The following MYRIP variants were observed in gnomAD, a reference collection of about 807,000 sequenced individuals.
MYRIP encodes myosin VIIA and Rab interacting protein, also known as rab effector MyRIP.
Under a neutral mutation model 98.0 loss-of-function variants are expected in MYRIP, and 49 were observed. That is an observed-to-expected ratio of 0.50 (90% CI 0.40 to 0.63). The LOEUF (loss-of-function observed/expected upper bound fraction) is 0.63. Ranked by LOEUF, MYRIP falls within the 30% of genes least tolerant of loss-of-function variation. The pLI, the probability that MYRIP is intolerant of heterozygous loss-of-function variation, is 0.00. For synonymous variants in MYRIP, 404 were observed against 409.5 expected, an observed-to-expected ratio of 0.99 and a Z score of 0.16; for missense variants, 1,004 against 1,058.2, an observed-to-expected ratio of 0.95 and a Z score of 0.71.
At chr3:40,126,733 TA>T (rs1236352621) in intron 3 of MYRIP, among the ~76,000 whole-genome samples, 1 of 152,224 alleles carries the variant, frequency 6.6e-6, no homozygotes, top group Non-Finnish European at 1.5e-5. Flanking sequence ...CATTGTACCT[TA>T]AGTTTATTTG....
At chr3:40,124,672 G>A (rs1949484418) in intron 3 of MYRIP, among the ~76,000 whole-genome samples, 1 of 152,220 alleles carries the variant, frequency 6.6e-6, no homozygotes, top group Admixed American at 6.5e-5. Context: ...GTGTATGCCT[G>A]GCAGGGATAT....
chr3:40,074,505 A>G (rs1227845248), intron 3 of MYRIP, among the ~76,000 whole-genome samples: 1 of 152,218 alleles, frequency 6.6e-6, no homozygotes. Flanking sequence ...GAAATTTTAT[A>G]GTATTAAATT....
intron 2 of MYRIP, among the ~76,000 whole-genome samples, chr3:40,031,156 G>A (rs1947252079): frequency 1.3e-5 from 2 of 152,018 alleles, no homozygotes; most frequent in South Asian, 4.1e-4. Context: ...AGCTGATTTG[G>A]TGTCTGTCCG....
intron 11 of MYRIP, among the ~76,000 whole-genome samples, chr3:40,218,680 C>G (rs1207187486): frequency 1.4e-5 from 2 of 140,856 alleles, no homozygotes; most frequent in African/African-American, 5.5e-5. Flanking sequence ...ACATAATGCC[C>G]TGGAATAACT....
chr3:40,073,376 A>G (rs1463315588), intron 3 of MYRIP, among the ~76,000 whole-genome samples: 1 of 152,020 alleles, frequency 6.6e-6, no homozygotes. Context: ...GGTTTTTATT[A>G]TGTCGGACTC....
At chr3:40,035,998 G>T (rs574539108) in intron 2 of MYRIP, among the ~76,000 whole-genome samples, 3 of 152,010 alleles carry the variant, frequency 2.0e-5, no homozygotes, top group African/African-American at 7.2e-5. Flanking sequence ...GAAACAAAGA[G>T]ATTAGGAGAC....
intron 1 of MYRIP, among the ~76,000 whole-genome samples, chr3:39,845,852 CAAAAAA>C (rs3062461): frequency 1.0e-5 from 1 of 96,926 alleles, no homozygotes; most frequent in East Asian, 2.7e-4. Flanking sequence ...TTTCCCCTAC[CAAAAAA>C]AAAAAAAAAA....
intron 2 of MYRIP, among the ~76,000 whole-genome samples, chr3:40,027,898 G>A (rs1187377138): frequency 6.6e-6 from 1 of 152,032 alleles, no homozygotes; most frequent in Non-Finnish European, 1.5e-5. Flanking sequence ...CCAGCTAAGT[G>A]AGTTTGGAAG....
intron 10 of MYRIP, among the ~76,000 whole-genome samples, chr3:40,193,399 T>G (rs1406043301): frequency 6.6e-6 from 1 of 152,226 alleles, no homozygotes; most frequent in African/African-American, 2.4e-5. Context: ...AACACCTAAC[T>G]CCTTAACCCC....
intron 2 of MYRIP, among the ~76,000 whole-genome samples, chr3:39,947,910 G>A (rs1464727359): frequency 2.0e-5 from 3 of 152,070 alleles, no homozygotes; most frequent in Non-Finnish European, 4.4e-5. Flanking sequence ...GTCAACTTTG[G>A]CTCCACACAG....
intron 1 of MYRIP, among the ~76,000 whole-genome samples, chr3:39,819,209 A>T (rs1200396133): frequency 6.6e-6 from 1 of 152,108 alleles, no homozygotes; most frequent in African/African-American, 2.4e-5. Context: ...TTAGCTGAGC[A>T]TGGTGGTGCA....
intron 3 of MYRIP, among the ~76,000 whole-genome samples, chr3:40,111,072 CAA>C (rs913060672): frequency 1.3e-5 from 2 of 152,118 alleles, no homozygotes; most frequent in Non-Finnish European, 2.9e-5. Flanking sequence ...CTGAAAATGG[CAA>C]AGTTAGACCC....
intron 1 of MYRIP, among the ~76,000 whole-genome samples, chr3:39,840,405 T>C (rs1366809794): frequency 6.6e-6 from 1 of 152,222 alleles, no homozygotes. Context: ...AGCACACTGA[T>C]GGGTCTTGAC....
intron 2 of MYRIP, among the ~76,000 whole-genome samples, chr3:40,036,221 A>C (rs930368411): frequency 1.3e-5 from 2 of 151,384 alleles, no homozygotes; most frequent in Admixed American, 6.6e-5. Flanking sequence ...AAAAATTCTT[A>C]AAACTAACCA....
intron 11 of MYRIP, among the ~76,000 whole-genome samples, chr3:40,221,779 G>A (rs974555250): frequency 3.9e-5 from 6 of 152,166 alleles, no homozygotes; most frequent in African/African-American, 7.2e-5. Context: ...TCTGGCAATT[G>A]TACTTTCAAT....
chr3:40,240,829 G>A (rs1188222710), intron 12 of MYRIP, among the ~76,000 whole-genome samples: 4 of 152,122 alleles, frequency 2.6e-5, no homozygotes, highest in Non-Finnish European at 5.9e-5. Context: ...TACCTATTGG[G>A]GTCTGGCTGG....
At chr3:40,118,664 A>G (rs899861688) in intron 3 of MYRIP, among the ~76,000 whole-genome samples, 6 of 150,988 alleles carry the variant, frequency 4.0e-5, no homozygotes, top group Non-Finnish European at 7.4e-5. Context: ...CAGGTTTGTT[A>G]CGTATGCATA....
chr3:40,230,658 A>G (rs1249870308), intron 11 of MYRIP, among the ~76,000 whole-genome samples: 2 of 152,182 alleles, frequency 1.3e-5, no homozygotes, highest in Non-Finnish European at 2.9e-5. Flanking sequence ...GGTGCAAGCA[A>G]ACAGCCCATT....
At chr3:40,046,379 T>C (rs1207349550) in intron 3 of MYRIP, among the ~76,000 whole-genome samples, 1 of 151,860 alleles carries the variant, frequency 6.6e-6, no homozygotes, top group East Asian at 1.9e-4. Flanking sequence ...AGGGACACTG[T>C]CTTCTTCATT....
Sources: allele counts gnomAD v4.1 joint callset (sites outside exome capture counted in the v4.1 genomes callset), GRCh38; gene constraint gnomAD v4.1.1; transcripts MANE v1.5; gene names NCBI Gene and HGNC (gene_info 2026-07-23, HGNC 2026-07-21).